The following LRRC69 variants were observed in gnomAD, a reference collection of about 807,000 sequenced individuals.
The protein encoded by LRRC69 is leucine-rich repeat-containing protein 69.
A neutral mutation model predicts 37.8 loss-of-function variants in LRRC69; 42 were observed. The ratio of observed to expected loss-of-function variants is 1.11; its 90% CI spans 0.87 to 1.44. LRRC69 has a LOEUF of 1.44. LRRC69 is among the 40% of genes most tolerant of loss of function. LRRC69 has a pLI of 0.00. For synonymous variants in LRRC69, 141 were observed against 143.1 expected, an observed-to-expected ratio of 0.99 and a Z score of 0.11; for missense variants, 357 against 401.9, an observed-to-expected ratio of 0.89 and a Z score of 0.96.
At chr8:91,129,998 A>G (rs937941383) in intron 3 of LRRC69, among the ~76,000 whole-genome samples, 2 of 152,028 alleles carry the variant, frequency 1.3e-5, no homozygotes, top group Admixed American at 1.3e-4. Context: ...GTACTATTCA[A>G]TGCATTTTGA....
chr8:91,182,494 T>C (rs1283308087), intron 5 of LRRC69, among the ~76,000 whole-genome samples: 1 of 152,224 alleles, frequency 6.6e-6, no homozygotes, highest in Non-Finnish European at 1.5e-5. Flanking sequence ...TAATAACAGG[T>C]AATACTAATT....
At chr8:91,174,692 A>G (rs1374062376) in intron 5 of LRRC69, among the ~76,000 whole-genome samples, 2 of 152,232 alleles carry the variant, frequency 1.3e-5, no homozygotes, top group Non-Finnish European at 2.9e-5. Flanking sequence ...ATTGTAGACT[A>G]TTCCAGGGCA....
chr8:91,151,736 G>T (rs1267585644), intron 5 of LRRC69, among the ~76,000 whole-genome samples: 1 of 151,642 alleles, frequency 6.6e-6, no homozygotes, highest in Non-Finnish European at 1.5e-5. Flanking sequence ...TTCCACAGTG[G>T]TTGAACTAAT....
chr8:91,217,117 T>C (rs1810064215), intron 7 of LRRC69, among the ~76,000 whole-genome samples: 2 of 152,140 alleles, frequency 1.3e-5, no homozygotes, highest in African/African-American at 4.8e-5. Flanking sequence ...TGTGTGTGTG[T>C]ATGATTATTG....
chr8:91,199,883 A>G (rs1809683908), intron 6 of LRRC69, among the ~76,000 whole-genome samples: 1 of 152,148 alleles, frequency 6.6e-6, no homozygotes, highest in Admixed American at 6.5e-5. Flanking sequence ...GGCAACTTCC[A>G]TTTTCTTACT....
intron 6 of LRRC69, among the ~76,000 whole-genome samples, chr8:91,199,894 TCCTC>T (rs1486545888): frequency 6.6e-6 from 1 of 152,170 alleles, no homozygotes; most frequent in Non-Finnish European, 1.5e-5. Context: ...TTTTCTTACT[TCCTC>T]CCTTTATTAT....
chr8:91,127,217 C>T, intron 3 of LRRC69, 57 bp downstream of exon 3: 1 of 1,282,766 alleles, frequency 7.8e-7, no homozygotes, highest in Non-Finnish European at 1.1e-6. Flanking sequence ...CTATCCCCAC[C>T]CTGGTCATTT....
intron 5 of LRRC69, among the ~76,000 whole-genome samples, chr8:91,143,175 G>A (rs759368102): frequency 1.2e-4 from 18 of 152,016 alleles, no homozygotes; most frequent in Non-Finnish European, 2.2e-4. Context: ...TTTTTAGCAT[G>A]TGAATTTAAC....
intron 6 of LRRC69, among the ~76,000 whole-genome samples, chr8:91,192,690 GTTGT>G (rs1376647381): frequency 2.6e-5 from 4 of 152,238 alleles, no homozygotes; most frequent in South Asian, 4.1e-4. Flanking sequence ...TTTTGATGGG[GTTGT>G]TTGTTTTTTT....
chr8:91,152,076 ATTCT>A (rs527796758), intron 5 of LRRC69, among the ~76,000 whole-genome samples: 133 of 151,644 alleles, frequency 8.8e-4, no homozygotes, highest in African/African-American at 3.1e-3. Flanking sequence ...ATTTTCTCCT[ATTCT>A]GTAGGTTGCC....
At chr8:91,114,045 A>G (rs1813462052) in intron 1 of LRRC69, among the ~76,000 whole-genome samples, 1 of 151,582 alleles carries the variant, frequency 6.6e-6, no homozygotes, top group Non-Finnish European at 1.5e-5. Context: ...TAAATAGCCA[A>G]TAGGTATATG....
intron 7 of LRRC69, among the ~76,000 whole-genome samples, chr8:91,204,987 T>A (rs959007188): frequency 7.2e-5 from 11 of 152,160 alleles, no homozygotes; most frequent in Admixed American, 2.0e-4. Flanking sequence ...ATTTTTAATA[T>A]TTTTTTCCAT....
chr8:91,135,625 ATAT>A, intron 4 of LRRC69, 40 bp from the exon 5 acceptor site: 1 of 1,215,774 alleles, frequency 8.2e-7, no homozygotes, highest in South Asian at 1.5e-5. Context: ...ATGATTTTAA[ATAT>A]TAGATTTAAA....
chr8:91,182,036 G>T (rs971399548), intron 5 of LRRC69, among the ~76,000 whole-genome samples: 2 of 152,102 alleles, frequency 1.3e-5, no homozygotes, highest in African/African-American at 4.8e-5. Context: ...CTTCACATCA[G>T]GGGGCCTATT....
At position 91,145,918 on chromosome 8, in the gene LRRC69, T is replaced by C. The variant is rs184226583; in HGVS notation, c.651+10179T>C. 4.7e-3 allele frequency among the ~76,000 whole-genome samples: 710 copies of C among 151,988 alleles called. 5 individuals are homozygous for C. The highest frequency in any genetic ancestry group is 0.016 in the African/African-American group (653 of 41,552). ...AATGAAAAGCAGAGAGAAAAAATTATGAAATATTATCCTTGATGCAATGGT... is the reference window on the plus strand; with the variant it reads ...AATGAAAAGCAGAGAGAAAAAATTACGAAATATTATCCTTGATGCAATGGT... On this transcript the variant is annotated intron_variant, in intron 5 of 7. Coordinates refer to ENST00000448384, the Ensembl canonical transcript of LRRC69.
chr8:91,179,380 C>T (rs1290034588), intron 5 of LRRC69, among the ~76,000 whole-genome samples: 2 of 152,110 alleles, frequency 1.3e-5, no homozygotes, highest in Non-Finnish European at 2.9e-5. Flanking sequence ...GAACCAGTGT[C>T]ATGAGAACTC....
At chr8:91,169,858 CT>C (rs1300386558) in intron 5 of LRRC69, among the ~76,000 whole-genome samples, 1 of 127,548 alleles carries the variant, frequency 7.8e-6, no homozygotes, top group Non-Finnish European at 1.7e-5. Context: ...TGAACTCATC[CT>C]TTTTTATGGC....
exon 3 of LRRC69, chr8:91,127,137 G>T: frequency 6.5e-7 from 1 of 1,548,250 alleles, no homozygotes; most frequent in African/African-American, 1.4e-5. Flanking sequence ...ATCATCTTAC[G>T]CAGCTTCCTC....
intron 3 of LRRC69, among the ~76,000 whole-genome samples, chr8:91,128,443 C>T (rs1036311207): frequency 6.6e-6 from 1 of 152,012 alleles, no homozygotes; most frequent in East Asian, 1.9e-4. Context: ...GTGTATAGGT[C>T]TATTCTGTCT....
Sources: allele counts gnomAD v4.1 joint callset (sites outside exome capture counted in the v4.1 genomes callset), GRCh38; gene constraint gnomAD v4.1.1; transcripts MANE v1.5; gene names NCBI Gene and HGNC (gene_info 2026-07-23, HGNC 2026-07-21).